Variants in SLC25A48 observed in about 807,000 individuals in gnomAD.
SLC25A48 encodes the protein solute carrier family 25 member 48.
SLC25A48 carries 29 observed loss-of-function variants against 32.2 expected under a neutral mutation model. The observed-to-expected ratio is 0.90, with a 90% confidence interval of 0.67 to 1.23. The LOEUF (loss-of-function observed/expected upper bound fraction) is 1.23, where lower values mean the gene tolerates loss of function less well. SLC25A48 is among the 50% of genes most tolerant of loss of function. The pLI is 0.00. For missense variants in SLC25A48, 399 were observed against 422.7 expected (o/e 0.94, Z 0.49); for synonymous variants, 164 against 172.3 (o/e 0.95, Z 0.38).
intron 7 of SLC25A48, among the ~76,000 whole-genome samples, chr5:135,886,625 AT>A (rs1477857779): frequency 0.025 from 645 of 25,970 alleles, 32 homozygotes; most frequent in African/African-American, 0.088. Flanking sequence ...ATATATATAT[AT>A]ATATATATAT....
At chr5:135,880,138 A>C in intron 7 of SLC25A48, 41 bp downstream of exon 7, 6 of 1,495,674 alleles carry the variant, frequency 4.0e-6, no homozygotes, top group Admixed American at 4.8e-5. Flanking sequence ...CCTCCCAGGA[A>C]CTTGAAACTT....
chr5:135,773,673 C>T (rs1756475222), intron 3 of SLC25A48, among the ~76,000 whole-genome samples: 3 of 151,496 alleles, frequency 2.0e-5, no homozygotes, highest in Non-Finnish European at 3.0e-5. Context: ...GATATTGCTT[C>T]TAATATCCAG....
intron 3 of SLC25A48, among the ~76,000 whole-genome samples, chr5:135,706,713 G>A (rs529611086): frequency 2.0e-5 from 3 of 152,172 alleles, no homozygotes; most frequent in Non-Finnish European, 2.9e-5. Context: ...CTGGGAGGAC[G>A]AGAGGGGTAA....
intron 3 of SLC25A48, among the ~76,000 whole-genome samples, chr5:135,683,239 G>A (rs925174084): frequency 6.6e-6 from 1 of 152,202 alleles, no homozygotes; most frequent in Non-Finnish European, 1.5e-5. Flanking sequence ...GGGCAGGGGG[G>A]CAGAGAGTTC....
intron 3 of SLC25A48, among the ~76,000 whole-genome samples, chr5:135,800,410 A>C (rs1455987718): frequency 2.0e-5 from 3 of 151,930 alleles, no homozygotes; most frequent in Admixed American, 2.0e-4. Context: ...CCAGAAGCTA[A>C]GCAGATGATA....
chr5:135,581,378 A>T (rs1751230641), intron 1 of SLC25A48, among the ~76,000 whole-genome samples: 1 of 152,228 alleles, frequency 6.6e-6, no homozygotes, highest in Admixed American at 6.5e-5. Context: ...CCTCAGAAAT[A>T]GAATCATGGG....
chr5:135,806,991 A>G (rs1399455152), intron 3 of SLC25A48, among the ~76,000 whole-genome samples: 1 of 150,560 alleles, frequency 6.6e-6, no homozygotes, highest in African/African-American at 2.4e-5. Context: ...CAGGATTAAC[A>G]CTAGATATTA....
intron 1 of SLC25A48, 89 bp downstream of exon 1, chr5:135,834,982 G>C (rs2288833): frequency 0.15 from 213,940 of 1,438,224 alleles, 17,808 homozygotes; most frequent in East Asian, 0.39. Flanking sequence ...GCCTCTGTGC[G>C]CTGCCATCCC....
At chr5:135,709,601 C>T (rs1441667764) in intron 3 of SLC25A48, among the ~76,000 whole-genome samples, 2 of 152,226 alleles carry the variant, frequency 1.3e-5, no homozygotes, top group African/African-American at 4.8e-5. Context: ...AGAGGCACTG[C>T]TACGACAAGA....
chr5:135,815,873 C>T (rs559305656), intron 4 of SLC25A48, among the ~76,000 whole-genome samples: 10 of 152,204 alleles, frequency 6.6e-5, no homozygotes, highest in African/African-American at 2.4e-4. Flanking sequence ...CACTCTTGTC[C>T]CAAGCAAAAG....
At position 135,659,423 on chromosome 5, in the gene SLC25A48, A is replaced by G. The variant is rs554035806; in HGVS notation, c.-521+24467A>G. ...AATCAGCCTGGCCATCTTTGTCCAT[A>G]TCACCATCAGCATTTTGGTCAAAAC... On this transcript the variant is annotated intron_variant, in intron 3 of 10. Transcript: ENST00000646290. Among the ~76,000 whole-genome samples the G allele has an allele frequency of 2.7e-4, 41 of 152,322 alleles. No individual in the cohort carries two copies. In the South Asian group the frequency reaches 8.1e-3, roughly 30 times the overall value.
At chr5:135,868,481 T>C (rs1761378071) in intron 4 of SLC25A48, among the ~76,000 whole-genome samples, 1 of 152,174 alleles carries the variant, frequency 6.6e-6, no homozygotes, top group Non-Finnish European at 1.5e-5. Context: ...GATTAAAGTA[T>C]TGTCAAAGTA....
At chr5:135,800,545 C>A (rs1757295339) in intron 3 of SLC25A48, among the ~76,000 whole-genome samples, 1 of 151,218 alleles carries the variant, frequency 6.6e-6, no homozygotes, top group Admixed American at 6.6e-5. Context: ...TAGTATAATT[C>A]CTATATCCAG....
chr5:135,822,596 A>G (rs1472823628), intron 4 of SLC25A48, among the ~76,000 whole-genome samples: 3 of 152,182 alleles, frequency 2.0e-5, no homozygotes, highest in Non-Finnish European at 4.4e-5. Context: ...TTATAGGGAC[A>G]AGCCATTGGA....
chr5:135,878,216 C>T (rs1182382202), intron 6 of SLC25A48, among the ~76,000 whole-genome samples: 2 of 152,158 alleles, frequency 1.3e-5, no homozygotes, highest in African/African-American at 4.8e-5. Flanking sequence ...TCTGAAGTGG[C>T]CCACAGCTCC....
chr5:135,842,338 T>C, intron 1 of SLC25A48, 78 bp from the exon 2 acceptor site: 2 of 1,487,176 alleles, frequency 1.3e-6, no homozygotes, highest in South Asian at 2.3e-5. Flanking sequence ...AACAAGTGCC[T>C]GTTTTGTCCC....
At chr5:135,868,795 C>T (rs541573660) in intron 4 of SLC25A48, among the ~76,000 whole-genome samples, 1 of 152,222 alleles carries the variant, frequency 6.6e-6, no homozygotes, top group East Asian at 1.9e-4. Flanking sequence ...GGTGTTTTTG[C>T]AACATCTGCA....
At chr5:135,821,785 A>C (rs746803805) in intron 4 of SLC25A48, 2 of 152,180 alleles carry the variant, frequency 1.3e-5, no homozygotes, top group Non-Finnish European at 2.9e-5. Flanking sequence ...CAGCAGGCAG[A>C]GGGGGATTTG....
intron 4 of SLC25A48, among the ~76,000 whole-genome samples, chr5:135,818,054 CCTCTCTCTCT>C (rs58632457): frequency 0.013 from 1,061 of 80,560 alleles, 7 homozygotes; most frequent in East Asian, 0.022. Context: ...TCTCTCTGTT[CCTCTCTCTCT>C]CTCTCTCTCT....
Sources: allele counts gnomAD v4.1 joint callset (sites outside exome capture counted in the v4.1 genomes callset), GRCh38; gene constraint gnomAD v4.1.1; transcripts MANE v1.5; gene names NCBI Gene and HGNC (gene_info 2026-07-23, HGNC 2026-07-21).